WDR48: variants seen among roughly 807,000 people sequenced by gnomAD.
WDR48 encodes WD repeat-containing protein 48.
A neutral mutation model predicts 94.0 loss-of-function variants in WDR48; 22 were observed. The ratio of observed to expected loss-of-function variants is 0.23; its 90% CI spans 0.17 to 0.33. The LOEUF is 0.33. Ranked by LOEUF, WDR48 falls within the 10% of genes least tolerant of loss-of-function variation. WDR48 has a pLI of 1.00. For synonymous variants in WDR48, 278 were observed against 280.5 expected (o/e 0.99, Z 0.09); for missense variants, 541 against 813.8 (o/e 0.66, Z 4.08).
intron 7 of WDR48, among the ~76,000 whole-genome samples, chr3:39,071,926 T>G (rs1017001783): frequency 1.3e-5 from 2 of 152,146 alleles, no homozygotes. Context: ...AAAAATGAGG[T>G]GAGGAAAAAA....
chr3:39,085,474 C>A lies in WDR48; in HGVS notation c.1379-41C>A, dbSNP rs762636802. On this transcript the variant is annotated intron_variant, in intron 13 of 18. Coordinates refer to ENST00000302313, the MANE Select transcript of WDR48 (RefSeq NM_020839.4). ...ATTTTTAGGTTAAAGCCAAGTAACT[C>A]GCTTTTCCATTTTATCTCTTTTTAA... 8.0e-6 allele frequency: 12 copies of A among 1,501,148 alleles called. No homozygotes were observed. The East Asian group carries it at 2.0e-4, about 26-fold the overall frequency. 93.0% of individuals were successfully genotyped at this position (1,501,148 alleles called of 1,614,324 possible).
At position 39,064,816 on chromosome 3, in the gene WDR48, A is replaced by G. The variant is rs550556835; in HGVS notation, c.190-995A>G. Reference sequence around the variant, plus strand: ...CTTTGAATTCTTTAGCCAATGGACCATGCAGTGGTGGCCAAATGTCAAAAG... The same window carrying G: ...CTTTGAATTCTTTAGCCAATGGACCGTGCAGTGGTGGCCAAATGTCAAAAG... On this transcript the variant is annotated intron_variant, in intron 2 of 18. Transcript: ENST00000302313. Among the ~76,000 whole-genome samples the G allele has an allele frequency of 2.0e-3, 306 of 152,370 alleles. 8 individuals carry two copies. The highest frequency in any genetic ancestry group is 0.02 in the Admixed American group (300 of 15,300).
chr3:39,054,775 G>A (rs2032743161), intron 1 of WDR48, among the ~76,000 whole-genome samples: 1 of 152,196 alleles, frequency 6.6e-6, no homozygotes. Flanking sequence ...GGCTTTACAG[G>A]AAATATGGTG....
intron 1 of WDR48, among the ~76,000 whole-genome samples, chr3:39,055,621 A>G (rs2032828119): frequency 3.9e-5 from 6 of 152,250 alleles, no homozygotes; most frequent in Admixed American, 3.9e-4. Context: ...ACGAGGGAAG[A>G]GGGATGGATT....
chr3:39,068,953 CTTTATA>C (rs1352282666), intron 6 of WDR48, 94 bp downstream of exon 6: 34 of 953,358 alleles, frequency 3.6e-5, no homozygotes, highest in Non-Finnish European at 4.9e-5. Flanking sequence ...CGATTAGCTT[CTTTATA>C]TTTATTTATT....
chr3:39,052,421 C>T, intron 1 of WDR48: 1 of 241,002 alleles, frequency 4.1e-6, no homozygotes, highest in Non-Finnish European at 8.2e-6. Flanking sequence ...AAGCGCTCTG[C>T]CCTCGCTGCG....
intron 7 of WDR48, 35 bp downstream of exon 7, chr3:39,069,779 C>A: frequency 6.4e-7 from 1 of 1,573,478 alleles, no homozygotes; most frequent in Admixed American, 1.7e-5. Context: ...ACCTAATAAC[C>A]TTGTTAGAAA....
In WDR48 at chr3:39,065,838, C is replaced by A; in HGVS notation, c.217C>A (p.His73Asn). The change falls in exon 3 of 19, where the codon CAC becomes AAC. Residue 73 changes from histidine to asparagine, a missense_variant. Physicochemically the swap from His to Asn is moderately conservative, Grantham distance 68. Transcript: ENST00000302313. ...AGATCCATATATAGCATCTATGGAA[C>A]ACCATACTGATTGGGTAAACGACAT... is the stretch of plus-strand genomic sequence containing the variant. ...KQDPYIASME[H>N]HTDWVNDIVL... 6.2e-7 allele frequency: 1 copy of A among 1,608,596 alleles called. No homozygotes were observed. The highest frequency in any genetic ancestry group is 8.5e-7 in the Non-Finnish European group (1 of 1,177,982).
chr3:39,076,140 G>T (rs1387186844), intron 8 of WDR48, among the ~76,000 whole-genome samples: 1 of 152,212 alleles, frequency 6.6e-6, no homozygotes. Context: ...AGACTGTTGT[G>T]TAGGAGGAAG....
chr3:39,094,082 G>A lies in WDR48; in HGVS notation c.1938+16G>A, dbSNP rs2035219954. On this transcript the variant is annotated intron_variant, in intron 18 of 18. Transcript: ENST00000302313. ...CCAGGACCAGGTAAGTGGACTTGAG[G>A]ACTACAGCCCCAATTTTTCCAGTGC... The A allele has an allele frequency of 1.9e-6, 3 of 1,603,176 alleles. No homozygotes were observed. Among genetic ancestry groups the A allele is most frequent in the Admixed American group, 1.7e-5 (1 of 57,424 alleles).
Position 39,079,716 on chromosome 3 carries a change from G to A in WDR48, c.1081G>A (p.Ala361Thr). The change falls in exon 11 of 19, where the codon GCT becomes ACT. Residue 361 changes from alanine (A) to threonine (T), a missense_variant. This residue lies in a region of WDR48 where 238 missense variants were observed against 285.3 expected (regional missense o/e 0.83). Coordinates refer to ENST00000302313, the MANE Select transcript of WDR48 (RefSeq NM_020839.4). ...TQPDQVIKGG[A>T]SIIQCHILND... ...GTGTTTTTTTTTCCCATTAGGGGGT[G>A]CTAGTATTATTCAGTGCCACATTCT... 1.3e-6 allele frequency: 2 copies of A among 1,541,890 alleles called. No homozygotes were observed. The highest frequency in any genetic ancestry group is 1.7e-6 in the Non-Finnish European group (2 of 1,152,548).
At chr3:39,069,374 A>C (rs1010398817) in intron 6 of WDR48, among the ~76,000 whole-genome samples, 9 of 151,880 alleles carry the variant, frequency 5.9e-5, no homozygotes, top group Admixed American at 6.5e-5. Context: ...GGTTTTGCCT[A>C]GTGGGTGCTA....
intron 11 of WDR48, among the ~76,000 whole-genome samples, chr3:39,081,821 C>G (rs2125672649): frequency 6.6e-6 from 1 of 152,300 alleles, no homozygotes; most frequent in South Asian, 2.1e-4. Flanking sequence ...ATCCTGCTGT[C>G]TGAATGGGAG....
rs2033624531 is a variant in WDR48 at position 39,066,627 on chromosome 3, T to C, written c.348T>C (p.His116=). ...TTTGCATGTCAACATTAAGGACACA[T>C]AAGGTAAAACAATACAGTTCTCAGT... ...KGFCMSTLRT[H]KDYVKALAYA... is the part of the protein sequence containing the mutation. The change falls in exon 4 of 19, where the codon CAT becomes CAC. Residue 116 remains histidine (H), a synonymous_variant. Transcript: ENST00000302313. 1 of 1,613,828 alleles carries C rather than the reference T, an allele frequency of 6.2e-7. No individual in the cohort carries two copies. The highest frequency in any genetic ancestry group is 1.7e-5 in the Admixed American group (1 of 60,006).
intron 14 of WDR48, chr3:39,087,869 G>T: frequency 2.6e-6 from 1 of 386,316 alleles, no homozygotes. Flanking sequence ...TTATGTTTTT[G>T]TTCTGAATCT....
At position 39,088,197 on chromosome 3, in the gene WDR48, T is replaced by C; in HGVS notation, c.1544T>C (p.Val515Ala). 1.2e-6 allele frequency: 2 copies of C among 1,614,006 alleles called. No individual in the cohort carries two copies. The highest frequency in any genetic ancestry group is 1.7e-6 in the Non-Finnish European group (2 of 1,179,888). The change falls in exon 15 of 19, where the codon GTG (valine) becomes GCG (alanine). Residue 515 changes from valine (V) to alanine (A), a missense_variant. Physicochemically the swap from Val to Ala is moderately conservative, Grantham distance 64. Around this residue, in one of 5 missense-constraint regions of WDR48, gnomAD observed 238 missense variants for 285.3 expected, o/e 0.83. Coordinates refer to ENST00000302313, the MANE Select transcript of WDR48 (RefSeq NM_020839.4). ...TTTCAAGTGCCCCCACATACACCCG[T>C]GATCTTTGGTGAAGCTGGAGGTCGC... ...GYFQVPPHTP[V>A]IFGEAGGRTL...
At chr3:39,087,335 G>A (rs1048300153) in intron 14 of WDR48, among the ~76,000 whole-genome samples, 8 of 152,190 alleles carry the variant, frequency 5.3e-5, no homozygotes, top group Admixed American at 2.0e-4. Context: ...TGATTTTGAC[G>A]TCTGTGCTTG....
chr3:39,092,569 C>T (rs1575439473), intron 17 of WDR48, among the ~76,000 whole-genome samples: 1 of 152,042 alleles, frequency 6.6e-6, no homozygotes, highest in African/African-American at 2.4e-5. Flanking sequence ...ATTTGAATGC[C>T]AAGCCATAGA....
Position 39,063,158 on chromosome 3 carries a change from A to T in WDR48, c.157A>T (p.Ile53Phe). The T allele has an allele frequency of 1.2e-6, 2 of 1,614,156 alleles. No individual in the cohort carries two copies. The highest frequency in any genetic ancestry group is 1.7e-6 in the Non-Finnish European group (2 of 1,179,994). ...NRLFTAGRDSIIRIWSVNQHK... is the reference protein window; with the variant it reads ...NRLFTAGRDSFIRIWSVNQHK... ...ACTTTTCACAGCCGGTCGAGACTCT[A>T]TCATAAGAATATGGAGTGTCAATCA... The change falls in exon 2 of 19, where the codon ATC becomes TTC. Residue 53 changes from isoleucine to phenylalanine, a missense_variant. Around this residue, in one of 5 missense-constraint regions of WDR48, gnomAD observed 90 missense variants for 122.3 expected, o/e 0.74. Transcript: ENST00000302313.
Sources: allele counts gnomAD v4.1 joint callset (sites outside exome capture counted in the v4.1 genomes callset), GRCh38; gene constraint gnomAD v4.1.1; regional missense constraint gnomAD v4.1.1; transcripts MANE v1.5; gene names NCBI Gene and HGNC (gene_info 2026-07-23, HGNC 2026-07-21).